CLEC7A: variants seen among roughly 807,000 people sequenced by gnomAD.
CLEC7A encodes the protein C-type lectin domain family 7 member A.
A neutral mutation model predicts 26.9 loss-of-function variants in CLEC7A; 25 were observed. That is an observed-to-expected ratio of 0.93 (90% CI 0.68 to 1.30). The LOEUF (loss-of-function observed/expected upper bound fraction) is 1.30. CLEC7A is among the 50% of genes most tolerant of loss of function. The pLI is 0.00. For synonymous variants in CLEC7A, 100 were observed against 99.5 expected (o/e 1.01, Z -0.03); for missense variants, 275 against 286.7 (o/e 0.96, Z 0.29).
At chr12:10,125,791 T>C (rs1276286549) in intron 3 of CLEC7A, among the ~76,000 whole-genome samples, 2 of 152,166 alleles carry the variant, frequency 1.3e-5, no homozygotes, top group Non-Finnish European at 2.9e-5. Flanking sequence ...GTCATTGAGG[T>C]ACACAGCAAT....
intron 4 of CLEC7A, among the ~76,000 whole-genome samples, chr12:10,124,034 G>T (rs1476387458): frequency 9.2e-6 from 1 of 108,196 alleles, no homozygotes; most frequent in East Asian, 2.0e-4. Flanking sequence ...ATAAATTGAC[G>T]CTACTTTCGT....
chr12:10,118,734 T>C, intron 5 of CLEC7A, 144 bp from the exon 6 acceptor site: 1 of 665,788 alleles, frequency 1.5e-6, no homozygotes, highest in African/African-American at 1.9e-5. Context: ...AAATCTAAAT[T>C]GTTGTGAATC....
rs1555160964 is a variant in CLEC7A, at chr12:10,122,488, T to TTTTC, written c.611+756_611+757insGAAA. ...GAAAGCACTCTTTCTTTTTTTCTTT[T>TTTTC]TTTTTTTTTTTTTTTTTGAGTTGGA... On this transcript the variant is annotated intron_variant, in intron 5 of 5. Transcript: ENST00000304084. Among the ~76,000 whole-genome samples the TTTTC allele has an allele frequency of 6.1e-5, 8 of 131,870 alleles. No homozygotes were observed. The East Asian group carries it at 6.1e-4, about 10-fold the overall frequency. The allele number at this position is 131,870 out of a possible 152,430, so 86.5% of individuals were successfully genotyped here.
rs748487230 is a variant in CLEC7A, at chr12:10,125,217, A to C, written c.492+80T>G. On this transcript the variant is annotated intron_variant, in intron 4 of 5. Transcript: ENST00000304084. ...AAAAAAAAGACTTCATTTTAGGAAA[A>C]ATTGTCATTACCTGGAATCTCCCTC... The C allele has an allele frequency of 2.5e-5, 34 of 1,363,626 alleles. 1 individual carries two copies. The South Asian group carries it at 4.3e-4, about 17-fold the overall frequency. 84.5% of individuals were successfully genotyped at this position (1,363,626 alleles called of 1,614,324 possible).
chr12:10,127,253 G>T, intron 2 of CLEC7A: 1 of 1,385,006 alleles, frequency 7.2e-7, no homozygotes, highest in Non-Finnish European at 9.7e-7. Context: ...GAAATTTCTG[G>T]TGTATTCAAA....
Position 10,118,374 on chromosome 12 carries a change from G to T in CLEC7A, c.*84C>A. On this transcript the variant is annotated 3_prime_UTR_variant, in exon 6 of 6. Coordinates refer to ENST00000304084, the MANE Select transcript of CLEC7A (RefSeq NM_197947.3). ...TCTAAACATTTTCTGCATTTATCTT[G>T]ACCTCAGCTGTTACTCTTTTCTGTT... The T allele has an allele frequency of 1.5e-6, 2 of 1,293,686 alleles. No individual in the cohort carries two copies. The highest frequency in any genetic ancestry group is 1.1e-6 in the Non-Finnish European group (1 of 913,444). The allele number at this position is 1,293,686 out of a possible 1,614,324, so 80.1% of individuals were successfully genotyped here. A position where few individuals can be genotyped will look rare whatever the true frequency, so the allele number is the denominator to read the frequency against.
Position 10,123,244 on chromosome 12 carries a change from C to G in CLEC7A, c.611+1G>C. The stretch of plus-strand genomic sequence containing the variant: ...GAAGCATTGTCTCTCCAAACACTTA[C>G]AAGTTAGAAGAGAATGTTGATCCAT... On this transcript the variant is annotated splice_donor_variant, in intron 5 of 5. Coordinates refer to ENST00000304084, the MANE Select transcript of CLEC7A (RefSeq NM_197947.3). LOFTEE classifies it high-confidence loss of function. 2 of 1,565,684 alleles carry G rather than the reference C, an allele frequency of 1.3e-6. No homozygotes were observed. Among genetic ancestry groups the G allele is most frequent in the South Asian group, 1.1e-5 (1 of 90,018 alleles).
At chr12:10,122,489 T>TTTC (rs199615207) in intron 5 of CLEC7A, among the ~76,000 whole-genome samples, 6,184 of 134,374 alleles carry the variant, frequency 0.046, 234 homozygotes, top group African/African-American at 0.15. Flanking sequence ...TTTTTCTTTT[T>TTTC]TTTTTTTTTT....
intron 5 of CLEC7A, among the ~76,000 whole-genome samples, chr12:10,121,987 C>G (rs900838890): frequency 1.3e-4 from 20 of 152,010 alleles, no homozygotes; most frequent in African/African-American, 4.8e-4. Context: ...GCCTGGGTGA[C>G]AGAGTGAGAC....
chr12:10,120,576 T>C (rs1423986431), intron 5 of CLEC7A, among the ~76,000 whole-genome samples: 1 of 151,280 alleles, frequency 6.6e-6, no homozygotes, highest in African/African-American at 2.4e-5. Flanking sequence ...CGCCACCTTG[T>C]CTGTCTAATT....
Position 10,123,379 on chromosome 12 carries a change from T to G in CLEC7A, c.493-16A>C. ...CTATAAATCCCTGTAATGAAACATATACAAATATATAATAAAGAGAGAGAG... is the reference window on the plus strand; with the variant it reads ...CTATAAATCCCTGTAATGAAACATAGACAAATATATAATAAAGAGAGAGAG... On this transcript the variant is annotated splice_polypyrimidine_tract_variant and intron_variant, in intron 4 of 5. Transcript: ENST00000304084. The G allele has an allele frequency of 7.8e-7, 1 of 1,281,518 alleles. No individual in the cohort carries two copies. The highest frequency in any genetic ancestry group is 1.1e-6 in the Non-Finnish European group (1 of 878,010). The allele number at this position is 1,281,518 out of a possible 1,614,324, so 79.4% of individuals were successfully genotyped here.
rs1180161066 is a variant in CLEC7A, at chr12:10,125,417, C to T, written c.372G>A (p.Trp124Ter). The change falls in exon 4 of 6, where the codon TGG (tryptophan) becomes TGA (stop). Residue 124 changes from tryptophan (W) to a stop codon, truncating the protein, a stop_gained. Transcript: ENST00000304084. LOFTEE classifies it high-confidence loss of function. ...GVLSSPCPPNWIIYEKSCYLF... is the reference protein window; with the variant it reads ...GVLSSPCPPN ...GATAACAGCTCTTCTCATATATAAT[C>T]CAATTAGGAGGACAAGGGCTGGAAA... is the stretch of plus-strand genomic sequence containing the variant. The T allele has an allele frequency of 6.2e-7, 1 of 1,612,940 alleles. No homozygotes were observed. The highest frequency in any genetic ancestry group is 8.5e-7 in the Non-Finnish European group (1 of 1,179,824).
intron 2 of CLEC7A, chr12:10,127,303 A>G (rs1948322494): frequency 6.7e-7 from 1 of 1,503,410 alleles, no homozygotes; most frequent in South Asian, 1.3e-5. Context: ...TCCTTAAATA[A>G]TGTGAATCAT....
intron 3 of CLEC7A, 193 bp downstream of exon 3, chr12:10,126,378 T>C (rs1565407646): frequency 1.0e-6 from 1 of 979,780 alleles, no homozygotes; most frequent in Non-Finnish European, 1.2e-6. Context: ...GCCAACTGCA[T>C]AGGGTACTTA....
chr12:10,118,960 G>A (rs1333188322), intron 5 of CLEC7A, among the ~76,000 whole-genome samples: 1 of 151,696 alleles, frequency 6.6e-6, no homozygotes, highest in Non-Finnish European at 1.5e-5. Context: ...ATTATTACTG[G>A]ATATACTTAA....
At chr12:10,122,484 CTT>C (rs143612827) in intron 5 of CLEC7A, among the ~76,000 whole-genome samples, 20 of 128,802 alleles carry the variant, frequency 1.6e-4, no homozygotes, top group Non-Finnish European at 2.2e-4. Flanking sequence ...TTCTTTTTTT[CTT>C]TTTTTTTTTT....
At chr12:10,119,610 G>A (rs1252854521) in intron 5 of CLEC7A, among the ~76,000 whole-genome samples, 1 of 152,152 alleles carries the variant, frequency 6.6e-6, no homozygotes, top group Non-Finnish European at 1.5e-5. Flanking sequence ...ACATTTGGCT[G>A]ATAATAAATT....
intron 2 of CLEC7A, chr12:10,127,283 G>A (rs192686521): frequency 2.4e-4 from 355 of 1,469,768 alleles, no homozygotes; most frequent in Non-Finnish European, 1.9e-4. Context: ...ATTAAAGATC[G>A]GAAATAATTT....
At chr12:10,125,958 A>C (rs1948267992) in intron 3 of CLEC7A, among the ~76,000 whole-genome samples, 1 of 152,218 alleles carries the variant, frequency 6.6e-6, no homozygotes, top group Admixed American at 6.5e-5. Context: ...TCCAGAGATG[A>C]AAAATTGAAC....
Sources: gnomAD v4.1 joint callset for allele counts (sites outside exome capture counted in the v4.1 genomes callset) on GRCh38, gnomAD v4.1.1 for gene constraint, MANE v1.5 for transcripts, NCBI Gene and HGNC (gene_info 2026-07-23, HGNC 2026-07-21) for gene names.